Variants in SYNE1 observed in about 807,000 individuals in gnomAD.
SYNE1 encodes nesprin-1.
A neutral mutation model predicts 1,111.0 loss-of-function variants in SYNE1; 616 were observed. That is an observed-to-expected ratio of 0.55 (90% CI 0.52 to 0.59). SYNE1 has a LOEUF of 0.59. Among genes scored for constraint, SYNE1 ranks in the 20% least tolerant of loss-of-function variants. The probability of loss-of-function intolerance (pLI) is 0.00; values close to 1 mark genes in which losing one functional copy is unlikely to be tolerated. For missense variants in SYNE1, 10,006 were observed against 10,417.0 expected (o/e 0.96, Z 1.72); for synonymous variants, 3,855 against 3,825.8 (o/e 1.01, Z -0.28).
Position 152,430,183 on chromosome 6 carries a change from C to A in SYNE1, c.4717G>T (p.Asp1573Tyr). The A allele has an allele frequency of 6.2e-7, 1 of 1,604,422 alleles. No homozygotes were observed. Among genetic ancestry groups the A allele is most frequent in the Non-Finnish European group, 8.5e-7 (1 of 1,173,672 alleles). ...ATTTTAATTGGAACAGCAAGTTTATCTTCAAATTCAGACACAGATTGCTGG... is the reference window on the plus strand; with the variant it reads ...ATTTTAATTGGAACAGCAAGTTTATATTCAAATTCAGACACAGATTGCTGG... The part of the protein sequence containing the change: ...KIQQSVSEFE[D>Y]KLAVPIKICS... Residue 1573 changes from aspartate (D) to tyrosine (Y), a missense_variant, in exon 36 of 146, where the codon GAT (aspartate) becomes TAT (tyrosine). Coordinates refer to ENST00000367255, the MANE Select transcript of SYNE1 (RefSeq NM_182961.4).
At chr6:152,308,378 A>C in intron 91 of SYNE1, 111 bp downstream of exon 91, 1 of 1,485,310 alleles carries the variant, frequency 6.7e-7, no homozygotes. Flanking sequence ...AGAGTTGAAC[A>C]CATTAAGTGC....
At chr6:152,188,896 T>C (rs1386734003) in intron 128 of SYNE1, among the ~76,000 whole-genome samples, 2 of 137,632 alleles carry the variant, frequency 1.5e-5, no homozygotes, top group Non-Finnish European at 3.0e-5. Flanking sequence ...AGGTGGAGCT[T>C]GCAGTGAGCC....
chr6:152,516,589 T>C (rs1284181142), intron 6 of SYNE1, among the ~76,000 whole-genome samples: 3 of 152,126 alleles, frequency 2.0e-5, no homozygotes, highest in Non-Finnish European at 2.9e-5. Flanking sequence ...TTATTTTTTA[T>C]TTTTATTTTT....
chr6:152,524,893 G>A (rs1267855167), intron 5 of SYNE1, among the ~76,000 whole-genome samples: 3 of 152,122 alleles, frequency 2.0e-5, no homozygotes, highest in Non-Finnish European at 4.4e-5. Flanking sequence ...TTTATTCATA[G>A]ACTCCCATAT....
chr6:152,605,029 AGAGAGAGGGAGG>A lies in SYNE1; in HGVS notation c.67+23224_67+23235del, dbSNP rs1177417896. ...GAAAGAGAGAGAGAGAGAGAGAGAGAGAGAGAGGGAGGGAGGGAGGGAGGGAGGGAGGGAGGG... is the reference window on the plus strand; with the variant it reads ...GAAAGAGAGAGAGAGAGAGAGAGAGAGAGGGAGGGAGGGAGGGAGGGAGGG... On this transcript the variant is annotated intron_variant, in intron 3 of 145. Coordinates refer to ENST00000367255, the MANE Select transcript of SYNE1 (RefSeq NM_182961.4). Among the ~76,000 whole-genome samples the A allele has an allele frequency of 2.2e-3, 114 of 52,934 alleles. 1 individual carries two copies. Among genetic ancestry groups the A allele is most frequent in the Non-Finnish European group, 3.1e-3 (94 of 30,416 alleles). 34.7% of individuals were successfully genotyped at this position (52,934 alleles called of 152,430 possible).
chr6:152,230,413 G>A, intron 115 of SYNE1, 134 bp downstream of exon 115: 3 of 941,696 alleles, frequency 3.2e-6, no homozygotes, highest in South Asian at 3.0e-5. Context: ...CACAAAATCA[G>A]CAAAATTTGT....
intron 91 of SYNE1, among the ~76,000 whole-genome samples, chr6:152,302,833 C>G (rs2095245856): frequency 6.6e-6 from 1 of 151,502 alleles, no homozygotes; most frequent in African/African-American, 2.4e-5. Flanking sequence ...TTTGAGCAGA[C>G]AAGAATGAAA....
chr6:152,520,525 G>C lies in SYNE1; in HGVS notation c.243C>G (p.Arg81=). 6.2e-7 allele frequency: 1 copy of C among 1,613,628 alleles called. No individual in the cohort carries two copies. Among genetic ancestry groups the C allele is most frequent in the Non-Finnish European group, 8.5e-7 (1 of 1,179,714 alleles). ...CCACAGCATGGATTCGCTTCATCCG[G>C]CGTCCTTGTTCACAAGGCTGTAAAA... The part of the protein sequence containing the change: ...SGQKLPCEQG[R]RMKRIHAVAN... Residue 81 remains arginine, a synonymous_variant, in exon 6 of 146, where the codon CGC becomes CGG. Coordinates refer to ENST00000367255, the MANE Select transcript of SYNE1 (RefSeq NM_182961.4).
chr6:152,438,790 G>A (rs1199090470), intron 32 of SYNE1, among the ~76,000 whole-genome samples: 1 of 152,146 alleles, frequency 6.6e-6, no homozygotes, highest in African/African-American at 2.4e-5. Context: ...CTTGAATAAA[G>A]GTTTGTAATA....
In SYNE1 at chr6:152,398,687, C is replaced by T; in HGVS notation, c.7282G>A (p.Ala2428Thr). Residue 2428 changes from alanine to threonine, a missense_variant, in exon 49 of 146, where the codon GCA (alanine) becomes ACA (threonine). Ala to Thr is a moderately conservative substitution (Grantham distance 58). This residue lies in a region of SYNE1 where 4,955 missense variants were observed against 5,017.2 expected (regional missense o/e 0.99). Transcript: ENST00000367255. ...FQEWFLGAKAAAKESSDRTGD... is the reference protein window; with the variant it reads ...FQEWFLGAKATAKESSDRTGD... Reference sequence around the variant, plus strand: ...GTGCGATCTGATGATTCTTTTGCTGCTGCCTTTGCTCCCAAAAACCATTCT... The same window carrying T: ...GTGCGATCTGATGATTCTTTTGCTGTTGCCTTTGCTCCCAAAAACCATTCT... 1.2e-6 allele frequency: 2 copies of T among 1,613,972 alleles called. No homozygotes were observed. Among genetic ancestry groups the T allele is most frequent in the South Asian group, 1.1e-5 (1 of 91,088 alleles).
At chr6:152,442,347 C>A in intron 30 of SYNE1, 102 bp from the exon 31 acceptor site, 2 of 1,388,250 alleles carry the variant, frequency 1.4e-6, no homozygotes, top group Non-Finnish European at 2.0e-6. Context: ...AAGGTGGGCC[C>A]GAAATGTATT....
At position 152,520,769 on chromosome 6, in the gene SYNE1, T is replaced by C. The variant is rs2623980; in HGVS notation, c.226-227A>G. Among the ~76,000 whole-genome samples, 27,352 of 152,210 alleles carry C rather than the reference T, an allele frequency of 0.18. 2,633 individuals are homozygous for C. The highest frequency in any genetic ancestry group is 0.31 in the Middle Eastern group (92 of 294). On this transcript the variant is annotated intron_variant, in intron 5 of 145. Coordinates refer to ENST00000367255, the MANE Select transcript of SYNE1 (RefSeq NM_182961.4). ...GTGCATTCATTCTCAGATTATCTGTTAATGCATTTGCCTTTTAGTCTTCTG... is the reference window on the plus strand; with the variant it reads ...GTGCATTCATTCTCAGATTATCTGTCAATGCATTTGCCTTTTAGTCTTCTG...
intron 44 of SYNE1, among the ~76,000 whole-genome samples, chr6:152,407,911 G>A (rs978622665): frequency 5.3e-5 from 8 of 151,714 alleles, no homozygotes; most frequent in African/African-American, 1.7e-4. Context: ...ACAGGCGCTC[G>A]CCACCACGCC....
At chr6:152,212,380 G>A (rs1334970704) in intron 123 of SYNE1, among the ~76,000 whole-genome samples, 1 of 152,146 alleles carries the variant, frequency 6.6e-6, no homozygotes, top group Admixed American at 6.6e-5. Context: ...CTTGCGATAT[G>A]TAGTCTTTTG....
chr6:152,438,317 C>A (rs1350062199), intron 32 of SYNE1, among the ~76,000 whole-genome samples: 1 of 151,772 alleles, frequency 6.6e-6, no homozygotes, highest in Non-Finnish European at 1.5e-5. Context: ...TTCTCAGAAC[C>A]CAGGAAAAAC....
At chr6:152,320,491 TAGCTTTAGCATTA>T (rs987593968) in intron 84 of SYNE1, among the ~76,000 whole-genome samples, 1 of 152,208 alleles carries the variant, frequency 6.6e-6, no homozygotes, top group African/African-American at 2.4e-5. Context: ...TAAACTTTAA[TAGCTTTAGCATTA>T]AGCCACCAAG....
At chr6:152,155,528 C>T (rs2061235848) in intron 132 of SYNE1, 1 of 340,436 alleles carries the variant, frequency 2.9e-6, no homozygotes, top group African/African-American at 2.1e-5. Flanking sequence ...CTTTGTAACA[C>T]AGCACGATTT....
intron 51 of SYNE1, among the ~76,000 whole-genome samples, chr6:152,392,991 TG>T (rs1247691617): frequency 3.3e-5 from 5 of 152,140 alleles, no homozygotes; most frequent in African/African-American, 9.7e-5. Context: ...AGAAGTCAGG[TG>T]GCCCCGTGGA....
rs1231788794 is a variant in SYNE1 at position 152,434,075 on chromosome 6, C to T, written c.4311-130G>A. 7.0e-6 allele frequency: 6 copies of T among 857,030 alleles called. No homozygotes were observed. The East Asian group carries it at 8.0e-5, about 11-fold the overall frequency. 53.1% of individuals were successfully genotyped at this position (857,030 alleles called of 1,614,324 possible). A position where few individuals can be genotyped will look rare whatever the true frequency, so the allele number is the denominator to read the frequency against. On this transcript the variant is annotated intron_variant, in intron 33 of 145. Transcript: ENST00000367255. Reference sequence around the variant, plus strand: ...ACCATTTCAAAGTTGAAACTATTCACGCTAAAAAAAAAATTGCACAGTTGT... The same window carrying T: ...ACCATTTCAAAGTTGAAACTATTCATGCTAAAAAAAAAATTGCACAGTTGT...
Sources: allele counts gnomAD v4.1 joint callset (sites outside exome capture counted in the v4.1 genomes callset), GRCh38; gene constraint gnomAD v4.1.1; regional missense constraint gnomAD v4.1.1; transcripts MANE v1.5; gene names NCBI Gene and HGNC (gene_info 2026-07-23, HGNC 2026-07-21).